Variants in CYP2C19 observed in about 807,000 individuals in gnomAD.
CYP2C19 encodes cytochrome P450 family 2 subfamily C member 19.
A neutral mutation model predicts 40.9 loss-of-function variants in CYP2C19; 59 were observed. The ratio of observed to expected loss-of-function variants is 1.44; its 90% CI spans 1.17 to 1.79. The LOEUF is 1.79. Among genes scored for constraint, CYP2C19 ranks in the 40% most tolerant of loss-of-function variants. The pLI is 0.00. For synonymous variants in CYP2C19, 253 were observed against 208.7 expected (o/e 1.21, Z -1.83); for missense variants, 754 against 596.9 (o/e 1.26, Z -2.74).
intron 1 of CYP2C19, among the ~76,000 whole-genome samples, chr10:94,763,297 G>A (rs1350543581): frequency 6.6e-6 from 1 of 152,128 alleles, no homozygotes; most frequent in East Asian, 1.9e-4. Context: ...AATAATTTAT[G>A]CCTGTTGTAA....
chr10:94,766,228 G>A (rs1589816192), intron 1 of CYP2C19, among the ~76,000 whole-genome samples: 1 of 151,848 alleles, frequency 6.6e-6, no homozygotes, highest in Non-Finnish European at 1.5e-5. Flanking sequence ...GGAAGGATTG[G>A]ACTGGTTTAA....
chr10:94,822,915 T>TA (rs1564676670), intron 6 of CYP2C19, among the ~76,000 whole-genome samples: 2 of 151,272 alleles, frequency 1.3e-5, no homozygotes, highest in Non-Finnish European at 3.0e-5. Flanking sequence ...TCACCATTTC[T>TA]AATTTTTTTT....
At chr10:94,821,018 G>A (rs1055812075) in intron 6 of CYP2C19, among the ~76,000 whole-genome samples, 4 of 152,172 alleles carry the variant, frequency 2.6e-5, no homozygotes, top group Admixed American at 2.0e-4. Flanking sequence ...GGGTGGTGGA[G>A]GTTGCAGTGA....
rs1849100915 is a variant in CYP2C19, at chr10:94,820,578, C to A, written c.902C>A (p.Thr301Lys). Reference sequence around the variant, plus strand: ...GACTTACTTGGAGCTGGGACAGAGACAACAAGCACAACCCTGAGATATGCT... The same window carrying A: ...GACTTACTTGGAGCTGGGACAGAGAAAACAAGCACAACCCTGAGATATGCT... ...AADLLGAGTE[T>K]TSTTLRYALL... The change falls in exon 6 of 9, where the codon ACA becomes AAA. Residue 301 changes from threonine to lysine, a missense_variant. Transcript: ENST00000371321. 2 of 1,614,184 alleles carry A rather than the reference C, an allele frequency of 1.2e-6. No homozygotes were observed. The highest frequency in any genetic ancestry group is 8.5e-7 in the Non-Finnish European group (1 of 1,180,052).
rs113707807 is a variant in CYP2C19 at position 94,764,206 on chromosome 10, C to T, written c.168+1333C>T. Among the ~76,000 whole-genome samples, 854 of 152,254 alleles carry T rather than the reference C, an allele frequency of 5.6e-3. 13 individuals carry two copies. Among genetic ancestry groups the T allele is most frequent in the African/African-American group, 0.019 (783 of 41,566 alleles). On this transcript the variant is annotated intron_variant, in intron 1 of 8. Coordinates refer to ENST00000371321, the MANE Select transcript of CYP2C19 (RefSeq NM_000769.4). The stretch of plus-strand genomic sequence containing the variant: ...AGGGGACCCAAGAGGGTTGCCGCTG[C>T]TGGCTCAGGTGGGCAGCTTTTATTC...
At chr10:94,773,461 T>C (rs1848363366) in intron 1 of CYP2C19, among the ~76,000 whole-genome samples, 1 of 152,078 alleles carries the variant, frequency 6.6e-6, no homozygotes, top group South Asian at 2.1e-4. Context: ...AGATGGCACA[T>C]CCAGAGTTGT....
intron 6 of CYP2C19, among the ~76,000 whole-genome samples, chr10:94,822,228 G>A (rs1849135630): frequency 1.3e-5 from 2 of 152,056 alleles, no homozygotes. Context: ...AAGGAAAGAG[G>A]TTTAATGGAC....
intron 5 of CYP2C19, among the ~76,000 whole-genome samples, chr10:94,795,737 C>T (rs563243511): frequency 1.3e-5 from 2 of 152,168 alleles, no homozygotes; most frequent in Admixed American, 6.5e-5. Flanking sequence ...TTTTGATTTG[C>T]AGTTCTCTGA....
chr10:94,841,212 G>A (rs190935313), intron 6 of CYP2C19, among the ~76,000 whole-genome samples: 33 of 152,320 alleles, frequency 2.2e-4, no homozygotes, highest in African/African-American at 6.0e-4. Context: ...GAAGAGAACC[G>A]TGGAACCCGG....
rs34415420 is a variant in CYP2C19, at chr10:94,853,547, CTTT to C, written c.*647_*649del. On this transcript the variant is annotated 3_prime_UTR_variant, in exon 9 of 9. Coordinates refer to ENST00000371321, the MANE Select transcript of CYP2C19 (RefSeq NM_000769.4). ...TATTAAATGTTCCACATTGGTGTTC[CTTT>C]TTTTTTTTTTTTTGAGACAATGTCT... is the stretch of plus-strand genomic sequence containing the variant. Among the ~76,000 whole-genome samples, 2 of 139,172 alleles carry C rather than the reference CTTT, an allele frequency of 1.4e-5. No individual in the cohort carries two copies. The allele number at this position is 139,172 out of a possible 152,430, so 91.3% of individuals were successfully genotyped here.
chr10:94,779,136 G>A (rs1204352176), intron 3 of CYP2C19, among the ~76,000 whole-genome samples: 1 of 151,992 alleles, frequency 6.6e-6, no homozygotes, highest in Non-Finnish European at 1.5e-5. Context: ...CAAGGGGAGG[G>A]AAAGCATTAG....
chr10:94,820,417 A>G (rs1005543608), intron 5 of CYP2C19, 79 bp from the exon 6 acceptor site: 8 of 1,504,962 alleles, frequency 5.3e-6, no homozygotes, highest in Non-Finnish European at 7.4e-6. Context: ...TAAGTATACA[A>G]TGTGAGTAAT....
intron 6 of CYP2C19, among the ~76,000 whole-genome samples, chr10:94,835,000 A>T (rs1414269033): frequency 6.6e-6 from 1 of 151,902 alleles, no homozygotes; most frequent in East Asian, 1.9e-4. Flanking sequence ...TGCAGTTGAG[A>T]TTTCCTCGGG....
intron 5 of CYP2C19, among the ~76,000 whole-genome samples, chr10:94,811,954 T>TA (rs1848932009): frequency 9.6e-6 from 1 of 103,656 alleles, no homozygotes; most frequent in African/African-American, 3.8e-5. Context: ...GTTGATGCAG[T>TA]TTTTTTATAG....
chr10:94,797,789 T>C (rs1341618470), intron 5 of CYP2C19, among the ~76,000 whole-genome samples: 2 of 152,174 alleles, frequency 1.3e-5, no homozygotes, highest in East Asian at 3.9e-4. Context: ...CAGGTGTTTA[T>C]AGTATTCTGT....
chr10:94,775,647 T>C, intron 3 of CYP2C19, 108 bp downstream of exon 3: 1 of 1,586,582 alleles, frequency 6.3e-7, no homozygotes, highest in Non-Finnish European at 8.6e-7. Context: ...GGAGTCCTGG[T>C]TGTTAGCTCA....
At chr10:94,849,854 C>A (rs1564686282) in intron 7 of CYP2C19, 63 bp from the exon 8 acceptor site, 5 of 1,583,706 alleles carry the variant, frequency 3.2e-6, no homozygotes, top group African/African-American at 1.3e-5. Context: ...GCATGATTAC[C>A]ACTGTTTCTT....
intron 6 of CYP2C19, among the ~76,000 whole-genome samples, chr10:94,833,461 T>A (rs902670404): frequency 2.6e-5 from 4 of 152,306 alleles, no homozygotes; most frequent in African/African-American, 9.6e-5. Flanking sequence ...TTCTTTTTTT[T>A]TATTATACTT....
At chr10:94,807,800 G>A (rs1236820589) in intron 5 of CYP2C19, among the ~76,000 whole-genome samples, 2 of 152,064 alleles carry the variant, frequency 1.3e-5, no homozygotes, top group Non-Finnish European at 2.9e-5. Flanking sequence ...ATCCTGGTCA[G>A]ATGAAAATAT....
Sources: gnomAD v4.1 joint callset for allele counts (sites outside exome capture counted in the v4.1 genomes callset) on GRCh38, gnomAD v4.1.1 for gene constraint, MANE v1.5 for transcripts, NCBI Gene and HGNC (gene_info 2026-07-23, HGNC 2026-07-21) for gene names.